Variants in KCNG3 observed in about 807,000 individuals in gnomAD.
The protein encoded by KCNG3 is voltage-gated potassium channel regulatory subunit KCNG3.
KCNG3 carries 15 observed loss-of-function variants against 29.0 expected under a neutral mutation model. The observed-to-expected ratio is 0.52, with a 90% CI of 0.35 to 0.80. The LOEUF (loss-of-function observed/expected upper bound fraction) is 0.80. Among genes scored for constraint, KCNG3 ranks in the 30% least tolerant of loss-of-function variants. The pLI, the probability that KCNG3 is intolerant of heterozygous loss-of-function variation, is 0.01. For synonymous variants in KCNG3, 322 were observed against 248.9 expected (o/e 1.29, Z -2.76); for missense variants, 512 against 605.7 (o/e 0.85, Z 1.62).
At chr2:42,449,626 T>C (rs1435451339) in intron 1 of KCNG3, among the ~76,000 whole-genome samples, 1 of 149,934 alleles carries the variant, frequency 6.7e-6, no homozygotes. Context: ...CAAGCAATTC[T>C]CCTGCCTCAG....
intron 1 of KCNG3, among the ~76,000 whole-genome samples, chr2:42,457,873 A>C (rs2103684468): frequency 6.6e-6 from 1 of 152,154 alleles, no homozygotes; most frequent in Admixed American, 6.5e-5. Context: ...GTAGTCTCCT[A>C]GCTACTTGGG....
the KCNG3 span, among the ~76,000 whole-genome samples, chr2:42,409,729 A>AAT: frequency 2.6e-5 from 2 of 76,380 alleles, no homozygotes; most frequent in African/African-American, 4.2e-5. Flanking sequence ...AAAAAAAAAA[A>AAT]TTTTTTTTTA....
At chr2:42,477,893 TA>T (rs66731116) in intron 1 of KCNG3, among the ~76,000 whole-genome samples, 123,577 of 149,250 alleles carry the variant, frequency 0.83, 50,855 homozygotes, top group Middle Eastern at 0.94. Context: ...AATATATATA[TA>T]TTTTTTTGAG....
chr2:42,462,580 G>A (rs879450548), intron 1 of KCNG3, among the ~76,000 whole-genome samples: 4 of 152,240 alleles, frequency 2.6e-5, no homozygotes, highest in African/African-American at 9.6e-5. Context: ...TACTGGAGAG[G>A]CTGAGGCACG....
At chr2:42,452,901 C>T (rs1672797696) in intron 1 of KCNG3, among the ~76,000 whole-genome samples, 1 of 152,168 alleles carries the variant, frequency 6.6e-6, no homozygotes, top group Non-Finnish European at 1.5e-5. Context: ...CCTGCCTCAG[C>T]ATCTTGAGCA....
chr2:42,422,599 T>C, the KCNG3 span, among the ~76,000 whole-genome samples: 1 of 152,172 alleles, frequency 6.6e-6, no homozygotes, highest in Non-Finnish European at 1.5e-5. Flanking sequence ...TCCATTTCTT[T>C]AGACTCTGTT....
chr2:42,479,377 C>T (rs1402428336), intron 1 of KCNG3, among the ~76,000 whole-genome samples: 4 of 152,280 alleles, frequency 2.6e-5, no homozygotes, highest in Admixed American at 6.5e-5. Context: ...GGCTTAGTCA[C>T]TCACACCTAT....
intron 1 of KCNG3, among the ~76,000 whole-genome samples, chr2:42,452,236 TA>T (rs1558376067): frequency 2.3e-4 from 16 of 69,082 alleles, no homozygotes; most frequent in African/African-American, 9.4e-4. Context: ...TATATATATA[TA>T]TATATATTTT....
At chr2:42,479,268 G>A (rs1334417363) in intron 1 of KCNG3, among the ~76,000 whole-genome samples, 1 of 152,140 alleles carries the variant, frequency 6.6e-6, no homozygotes, top group Non-Finnish European at 1.5e-5. Flanking sequence ...GAACCCAGAA[G>A]TAACTTGCCA....
the KCNG3 span, among the ~76,000 whole-genome samples, chr2:42,402,503 T>G: frequency 3.1e-3 from 476 of 152,348 alleles, 5 homozygotes; most frequent in Non-Finnish European, 3.7e-3. Flanking sequence ...CTGGGCAACA[T>G]AGTGAGAACC....
the KCNG3 span, among the ~76,000 whole-genome samples, chr2:42,402,998 G>C: frequency 6.6e-6 from 1 of 152,204 alleles, no homozygotes; most frequent in Non-Finnish European, 1.5e-5. Flanking sequence ...TGAGACTACT[G>C]AATCTTCCCT....
rs1672547531 is a variant in KCNG3, at chr2:42,444,215, G to A, written c.1030C>T (p.Leu344Phe). Residue 344 changes from leucine to phenylalanine, a missense_variant, in exon 2 of 2, where the codon CTT (leucine) becomes TTT (phenylalanine). Leu to Phe is a conservative substitution (Grantham distance 22). Transcript: ENST00000306078. This position sits in a 1 kb window ranked among gnomAD's most constrained non-coding sequence, Gnocchi z 5.8. ...GTTTCCAGGTCCAGCCCATGTTCAA[G>A]AAGCTGAGAAAGTGCACTAAAGATT... ...MAIFSALSQLLEHGLDLETSN... is the reference protein window; with the variant it reads ...MAIFSALSQLFEHGLDLETSN... The A allele has an allele frequency of 1.2e-6, 2 of 1,614,040 alleles. No individual in the cohort carries two copies. Among genetic ancestry groups the A allele is most frequent in the Non-Finnish European group, 1.7e-6 (2 of 1,180,032 alleles).
At chr2:42,403,036 T>C in the KCNG3 span, among the ~76,000 whole-genome samples, 1 of 152,278 alleles carries the variant, frequency 6.6e-6, no homozygotes, top group Non-Finnish European at 1.5e-5. Context: ...GTTCTTCTTA[T>C]GTGACTTTAA....
chr2:42,436,287 C>A, the KCNG3 span, among the ~76,000 whole-genome samples: 6 of 152,160 alleles, frequency 3.9e-5, no homozygotes, highest in Admixed American at 2.0e-4. Context: ...TGAAAATGTT[C>A]TGGAGTTAGA....
In KCNG3 at chr2:42,472,562, C is replaced by A. The variant is rs187320176; in HGVS notation, c.665+20275G>T. ...TTACCCAGGCTGGAGTGCACTGGCA[C>A]GATCTCGGCTCACTGCAACCTCTCT... On this transcript the variant is annotated intron_variant, in intron 1 of 1. Transcript: ENST00000306078. 5.3e-3 allele frequency among the ~76,000 whole-genome samples: 809 copies of A among 151,554 alleles called. 9 individuals carry two copies. The highest frequency in any genetic ancestry group is 0.019 in the African/African-American group (774 of 41,286).
chr2:42,429,074 A>G, the KCNG3 span, among the ~76,000 whole-genome samples: 1 of 152,006 alleles, frequency 6.6e-6, no homozygotes, highest in African/African-American at 2.4e-5. Context: ...AGCCAAGATC[A>G]TGCCACTGCA....
At chr2:42,440,773 T>C (rs1277661858), downstream of KCNG3, among the ~76,000 whole-genome samples, 1 of 152,228 alleles carries the variant, frequency 6.6e-6, no homozygotes, top group Non-Finnish European at 1.5e-5. Flanking sequence ...AATGAAAGCC[T>C]TGAATTGTTA....
the KCNG3 span, among the ~76,000 whole-genome samples, chr2:42,409,698 T>C: frequency 4.5e-5 from 1 of 22,420 alleles, no homozygotes; most frequent in Admixed American, 5.7e-4. Context: ...AGTGCCTGTC[T>C]CAAAAAAAAA....
At chr2:42,472,663 T>G (rs1673317345) in intron 1 of KCNG3, among the ~76,000 whole-genome samples, 1 of 151,694 alleles carries the variant, frequency 6.6e-6, no homozygotes, top group Middle Eastern at 3.2e-3. Context: ...CATACCCGGC[T>G]AATTTTTGTA....
Sources: gnomAD v4.1 joint callset for allele counts (sites outside exome capture counted in the v4.1 genomes callset) on GRCh38, gnomAD v4.1.1 for gene constraint, Gnocchi (gnomAD v3.1) non-coding constraint, MANE v1.5 for transcripts, NCBI Gene and HGNC (gene_info 2026-07-23, HGNC 2026-07-21) for gene names.